Variants in HGF observed in about 807,000 individuals in gnomAD.
The protein encoded by HGF is hepatocyte growth factor.
A neutral mutation model predicts 111.6 loss-of-function variants in HGF; 39 were observed. That is an observed-to-expected ratio of 0.35 (90% CI 0.27 to 0.46). The LOEUF (loss-of-function observed/expected upper bound fraction) is 0.46. Ranked by LOEUF, HGF falls within the 20% of genes least tolerant of loss-of-function variation. The pLI is 1.00. For synonymous variants in HGF, 285 were observed against 294.8 expected (o/e 0.97, Z 0.34); for missense variants, 735 against 910.5 (o/e 0.81, Z 2.48).
At chr7:81,756,061 C>T (rs907762433) in intron 4 of HGF, 1 of 701,550 alleles carries the variant, frequency 1.4e-6, no homozygotes, top group East Asian at 2.7e-5. Flanking sequence ...GTCATCACCA[C>T]CACTGCAAAA....
chr7:81,728,517 T>C, intron 8 of HGF, among the ~76,000 whole-genome samples: 1 of 152,232 alleles, frequency 6.6e-6, no homozygotes, highest in Non-Finnish European at 1.5e-5. Flanking sequence ...TCTACTTTGA[T>C]ATGTATTTCT....
intron 2 of HGF, among the ~76,000 whole-genome samples, chr7:81,759,208 A>T (rs1480366052): frequency 1.3e-5 from 2 of 152,336 alleles, no homozygotes; most frequent in East Asian, 3.9e-4. Context: ...ATGGTATTAT[A>T]TTTGAGATAT....
intron 7 of HGF, among the ~76,000 whole-genome samples, chr7:81,732,571 G>A (rs1787703089): frequency 6.6e-6 from 1 of 152,078 alleles, no homozygotes; most frequent in Non-Finnish European, 1.5e-5. Context: ...AATGACCCAT[G>A]ATAGTTACAA....
chr7:81,739,448 G>A (rs1562889449), intron 7 of HGF, among the ~76,000 whole-genome samples: 2 of 152,110 alleles, frequency 1.3e-5, no homozygotes, highest in African/African-American at 2.4e-5. Context: ...ATGCACGTAT[G>A]TATACACATA....
Position 81,726,115 on chromosome 7 carries a change from TA to T in HGF, c.1041-99del. ...TAGAATTCTAGAATGTATGCATGTTTATAAATAGAGTTCTAACTTTTTGGAC... is the reference window on the plus strand; with the variant it reads ...TAGAATTCTAGAATGTATGCATGTTTTAAATAGAGTTCTAACTTTTTGGAC... On this transcript the variant is annotated intron_variant, in intron 8 of 17. Coordinates refer to ENST00000222390, the MANE Select transcript of HGF (RefSeq NM_000601.6). The T allele has an allele frequency of 4.1e-6, 5 of 1,231,812 alleles. No homozygotes were observed. In the Middle Eastern group the frequency reaches 7.8e-4, roughly 191 times the overall value. 76.3% of individuals were successfully genotyped at this position (1,231,812 alleles called of 1,614,324 possible). A position where few individuals can be genotyped will look rare whatever the true frequency, so the allele number is the denominator to read the frequency against.
intron 7 of HGF, among the ~76,000 whole-genome samples, chr7:81,736,015 G>A (rs1243966373): frequency 6.6e-6 from 1 of 152,160 alleles, no homozygotes; most frequent in South Asian, 2.1e-4. Context: ...CACAATGGGA[G>A]TTGGGGCTTC....
At chr7:81,736,315 T>C (rs1411811033) in intron 7 of HGF, among the ~76,000 whole-genome samples, 1 of 152,136 alleles carries the variant, frequency 6.6e-6, no homozygotes, top group East Asian at 1.9e-4. Context: ...TCTAGCATTG[T>C]ATATGCAACC....
chr7:81,749,538 T>G (rs753820741), intron 5 of HGF, among the ~76,000 whole-genome samples: 5 of 152,122 alleles, frequency 3.3e-5, no homozygotes, highest in Non-Finnish European at 7.4e-5. Flanking sequence ...TAAATCAAAC[T>G]AGTTAACATA....
At chr7:81,759,544 G>A (rs976174025) in intron 2 of HGF, among the ~76,000 whole-genome samples, 4 of 151,940 alleles carry the variant, frequency 2.6e-5, no homozygotes, top group African/African-American at 4.8e-5. Context: ...TCACACTGTC[G>A]CCCAGGCTGG....
chr7:81,757,396 T>C (rs1315453959), intron 3 of HGF, 93 bp from the exon 4 acceptor site: 3 of 705,768 alleles, frequency 4.3e-6, no homozygotes, highest in South Asian at 3.1e-5. Flanking sequence ...AGTAATTAAC[T>C]CTTGTAAACT....
chr7:81,726,989 T>C (rs2115911502), intron 8 of HGF, among the ~76,000 whole-genome samples: 2 of 151,966 alleles, frequency 1.3e-5, no homozygotes, highest in South Asian at 4.1e-4. Context: ...CAATTAGAAG[T>C]ACTATTATAC....
At chr7:81,752,459 C>T (rs547720858) in intron 4 of HGF, among the ~76,000 whole-genome samples, 197 bp from the exon 5 acceptor site, 1 of 152,082 alleles carries the variant, frequency 6.6e-6, no homozygotes, top group African/African-American at 2.4e-5. Context: ...ATCCATTTAG[C>T]TGAATTTCCA....
intron 8 of HGF, among the ~76,000 whole-genome samples, chr7:81,726,337 T>C (rs1012955101): frequency 1.3e-4 from 20 of 152,324 alleles, no homozygotes; most frequent in African/African-American, 4.1e-4. Flanking sequence ...AGACTCTCAA[T>C]TGGTACCATT....
At chr7:81,729,884 T>C in intron 7 of HGF, 105 bp from the exon 8 acceptor site, 6 of 939,748 alleles carry the variant, frequency 6.4e-6, no homozygotes, top group Non-Finnish European at 9.6e-6. Flanking sequence ...TTTTTTTTTC[T>C]GTTACTTATA....
intron 3 of HGF, among the ~76,000 whole-genome samples, chr7:81,758,428 G>A (rs889646122): frequency 1.3e-5 from 2 of 151,770 alleles, no homozygotes; most frequent in African/African-American, 4.8e-5. Flanking sequence ...TCTAGGAGAT[G>A]CTCCAAAAAA....
At chr7:81,754,186 C>T (rs887302431) in intron 4 of HGF, among the ~76,000 whole-genome samples, 2 of 151,942 alleles carry the variant, frequency 1.3e-5, no homozygotes, top group African/African-American at 4.8e-5. Context: ...AGTCCTTAGA[C>T]AATTTATTTA....
chr7:81,757,009 C>A, intron 4 of HGF, 180 bp downstream of exon 4: 1 of 611,620 alleles, frequency 1.6e-6, no homozygotes, highest in Non-Finnish European at 2.9e-6. Flanking sequence ...ATTTTATTAA[C>A]ATATTAATTA....
intron 2 of HGF, among the ~76,000 whole-genome samples, chr7:81,759,041 T>C (rs1788930024): frequency 6.6e-6 from 1 of 152,128 alleles, no homozygotes; most frequent in Non-Finnish European, 1.5e-5. Flanking sequence ...GAATACTCTT[T>C]GGAATATTCT....
intron 10 of HGF, among the ~76,000 whole-genome samples, chr7:81,719,363 A>G (rs981858140): frequency 6.6e-6 from 1 of 152,082 alleles, no homozygotes. Context: ...ATCCCACACT[A>G]GAGTGGGAGA....
Sources: gnomAD v4.1 joint callset for allele counts (sites outside exome capture counted in the v4.1 genomes callset) on GRCh38, gnomAD v4.1.1 for gene constraint, MANE v1.5 for transcripts, NCBI Gene and HGNC (gene_info 2026-07-23, HGNC 2026-07-21) for gene names.